NALF1: variants seen among roughly 807,000 people sequenced by gnomAD.
NALF1 encodes the protein NALCN channel auxiliary factor 1.
In NALF1, 3 loss-of-function variants were observed where a neutral mutation model predicts 48.4. The observed-to-expected ratio is 0.06, with a 90% confidence interval of 0.03 to 0.16. The LOEUF is 0.16. Among genes scored for constraint, NALF1 ranks in the 10% least tolerant of loss-of-function variants. The pLI, the probability that NALF1 is intolerant of heterozygous loss-of-function variation, is 1.00. For synonymous variants in NALF1, 262 were observed against 245.7 expected, an observed-to-expected ratio of 1.07 and a Z score of -0.62; for missense variants, 526 against 571.5, an observed-to-expected ratio of 0.92 and a Z score of 0.81.
intron 1 of NALF1, among the ~76,000 whole-genome samples, chr13:107,736,969 G>A (rs969490130): frequency 6.6e-6 from 1 of 152,150 alleles, no homozygotes; most frequent in African/African-American, 2.4e-5. Context: ...GCCAACCATT[G>A]GAGCAGTGCT....
At chr13:107,276,373 C>T (rs1881281350) in intron 1 of NALF1, among the ~76,000 whole-genome samples, 1 of 152,188 alleles carries the variant, frequency 6.6e-6, no homozygotes, top group African/African-American at 2.4e-5. Flanking sequence ...ATAACCTCAT[C>T]TCTTCCTGAG....
rs1264224046 is a variant in NALF1 at position 107,362,579 on chromosome 13, A to C, written c.916-151824T>G. On this transcript the variant is annotated intron_variant, in intron 1 of 2. Transcript: ENST00000375915. This position sits in a 1 kb window ranked among gnomAD's most constrained non-coding sequence, Gnocchi z 4.6. ...TTATATCAGACACCAGTCACACTGG[A>C]TTAGCGCCCACCCTAATGACCTCAT... Among the ~76,000 whole-genome samples, 1 of 152,098 alleles carries C rather than the reference A, an allele frequency of 6.6e-6. No homozygotes were observed. Among genetic ancestry groups the C allele is most frequent in the Admixed American group, 6.6e-5 (1 of 15,254 alleles).
At chr13:107,257,799 G>T (rs556259584) in intron 1 of NALF1, among the ~76,000 whole-genome samples, 19 of 152,232 alleles carry the variant, frequency 1.2e-4, no homozygotes, top group African/African-American at 4.6e-4. Flanking sequence ...AGGGGATGGG[G>T]GGTGGTGATG....
intron 1 of NALF1, among the ~76,000 whole-genome samples, chr13:107,228,592 T>A (rs2138822412): frequency 6.6e-6 from 1 of 152,220 alleles, no homozygotes; most frequent in South Asian, 2.1e-4. Flanking sequence ...CGAAACAACA[T>A]CAAACCCATA....
chr13:107,440,884 A>C (rs1033619117), intron 1 of NALF1, among the ~76,000 whole-genome samples: 9 of 152,118 alleles, frequency 5.9e-5, no homozygotes, highest in Non-Finnish European at 1.3e-4. Flanking sequence ...CTTTTTAGTT[A>C]TAATTTTCGG....
chr13:107,693,436 T>C (rs9559137), intron 1 of NALF1, among the ~76,000 whole-genome samples: 61,956 of 151,602 alleles, frequency 0.41, 13,018 homozygotes, highest in East Asian at 0.51. Context: ...CAAACCTGCA[T>C]GTTGTGCATA....
chr13:107,302,905 T>C (rs1298878792), intron 1 of NALF1, among the ~76,000 whole-genome samples: 3 of 152,110 alleles, frequency 2.0e-5, no homozygotes, highest in Admixed American at 2.0e-4. Flanking sequence ...GTGAAAAACA[T>C]TGTTAGCTTG....
At chr13:107,232,509 C>T (rs1880247524) in intron 1 of NALF1, among the ~76,000 whole-genome samples, 1 of 152,202 alleles carries the variant, frequency 6.6e-6, no homozygotes, top group East Asian at 1.9e-4. Context: ...AATACATTAT[C>T]CTAATCACAA....
chr13:107,726,913 T>TTGTG (rs1171461096), intron 1 of NALF1, among the ~76,000 whole-genome samples: 1,623 of 126,296 alleles, frequency 0.013, 25 homozygotes, highest in African/African-American at 0.037. Context: ...CGGCAAATTC[T>TTGTG]TGTGTGTGTG....
intron 1 of NALF1, among the ~76,000 whole-genome samples, chr13:107,218,761 T>A (rs1031573100): frequency 2.0e-5 from 3 of 152,124 alleles, no homozygotes; most frequent in African/African-American, 7.2e-5. Context: ...AGAAAGATTG[T>A]CACACAAAGA....
At chr13:107,667,522 CCTCA>C (rs1880890334) in intron 1 of NALF1, among the ~76,000 whole-genome samples, 1 of 151,920 alleles carries the variant, frequency 6.6e-6, no homozygotes, top group South Asian at 2.1e-4. Flanking sequence ...GCCTCATTTT[CCTCA>C]CTAATTATGT....
At chr13:107,521,500 G>A (rs16970532) in intron 1 of NALF1, among the ~76,000 whole-genome samples, 2,798 of 152,062 alleles carry the variant, frequency 0.018, 82 homozygotes, top group African/African-American at 0.063. Context: ...CATACAAAAC[G>A]GTATATTAAG....
rs555547129 is a variant in NALF1, at chr13:107,640,907, CG to C, written c.915+224774del. On this transcript the variant is annotated intron_variant, in intron 1 of 2. Transcript: ENST00000375915. ...GGCATACAACTTATCTTTAAAAAGT[CG>C]GCATCCAGCAGTCTCACTGCTTGGT... Among the ~76,000 whole-genome samples the C allele has an allele frequency of 2.6e-5, 4 of 152,222 alleles. No homozygotes were observed. The East Asian group carries it at 7.7e-4, about 29-fold the overall frequency.
chr13:107,330,603 T>A (rs571963505), intron 1 of NALF1, among the ~76,000 whole-genome samples: 71 of 152,350 alleles, frequency 4.7e-4, no homozygotes, highest in Admixed American at 2.5e-3. Context: ...AAATACAGAA[T>A]TATCACATAA....
intron 1 of NALF1, 72 bp from the exon 2 acceptor site, chr13:107,210,827 C>T (rs190598026): frequency 1.6e-5 from 17 of 1,031,424 alleles, no homozygotes; most frequent in African/African-American, 9.5e-5. Context: ...CTGTGAGAAG[C>T]GTGCAAGCGT....
At chr13:107,204,856 A>G (rs1425084280) in intron 2 of NALF1, among the ~76,000 whole-genome samples, 1 of 151,054 alleles carries the variant, frequency 6.6e-6, no homozygotes, top group Non-Finnish European at 1.5e-5. Flanking sequence ...GTTTTCAGAG[A>G]AAAAAAAACC....
At chr13:107,245,996 C>G (rs1880576102) in intron 1 of NALF1, among the ~76,000 whole-genome samples, 1 of 152,078 alleles carries the variant, frequency 6.6e-6, no homozygotes, top group Non-Finnish European at 1.5e-5. Flanking sequence ...CACAAATCAA[C>G]TCATCTTGTC....
At chr13:107,206,152 T>G (rs78748343) in intron 2 of NALF1, among the ~76,000 whole-genome samples, 6,521 of 152,272 alleles carry the variant, frequency 0.043, 176 homozygotes, top group Non-Finnish European at 0.067. Context: ...CCTCAGAATT[T>G]CTTTCCAATT....
intron 1 of NALF1, among the ~76,000 whole-genome samples, chr13:107,339,025 T>G (rs2138932032): frequency 6.6e-6 from 1 of 151,596 alleles, no homozygotes; most frequent in Non-Finnish European, 1.5e-5. Flanking sequence ...TTCCAGGTAC[T>G]CGGGAGGCTG....
Sources: gnomAD v4.1 joint callset for allele counts (sites outside exome capture counted in the v4.1 genomes callset) on GRCh38, gnomAD v4.1.1 for gene constraint, Gnocchi (gnomAD v3.1) non-coding constraint, MANE v1.5 for transcripts, NCBI Gene and HGNC (gene_info 2026-07-23, HGNC 2026-07-21) for gene names.